Variants in ZNF273 observed in about 807,000 individuals in gnomAD.
ZNF273 encodes zinc finger protein 273.
Under a neutral mutation model 14.9 loss-of-function variants are expected in ZNF273, and 11 were observed. That is an observed-to-expected ratio of 0.74 (90% CI 0.46 to 1.22). The LOEUF is 1.22. Among genes scored for constraint, ZNF273 ranks in the 50% most tolerant of loss-of-function variants. The pLI is 0.00. For missense variants in ZNF273, 577 were observed against 660.6 expected (o/e 0.87, Z 1.39); for synonymous variants, 199 against 223.9 (o/e 0.89, Z 0.99).
chr7:64,910,566 A>G (rs1361145299), intron 1 of ZNF273, among the ~76,000 whole-genome samples: 4 of 152,112 alleles, frequency 2.6e-5, no homozygotes, highest in Admixed American at 6.5e-5. Flanking sequence ...TACCAGTACC[A>G]TGCTGCTTTG....
downstream of ZNF273, among the ~76,000 whole-genome samples, chr7:64,880,920 T>A (rs968072625): frequency 6.6e-5 from 10 of 152,138 alleles, no homozygotes; most frequent in African/African-American, 2.4e-4. Context: ...CGGGCACTCC[T>A]CCATCGTCTC....
chr7:64,920,547 G>T (rs549957518), intron 3 of ZNF273, among the ~76,000 whole-genome samples: 2 of 152,308 alleles, frequency 1.3e-5, no homozygotes, highest in East Asian at 3.9e-4. Context: ...ACCTCTCCCA[G>T]ACTGTGGCTG....
downstream of ZNF273, among the ~76,000 whole-genome samples, chr7:64,934,007 T>C (rs1178437662): frequency 2.0e-5 from 3 of 152,162 alleles, no homozygotes; most frequent in African/African-American, 7.2e-5. Flanking sequence ...ATTCCTCTTA[T>C]TTAACTATAA....
chr7:64,888,700 G>C (rs1791762030), exon 2 of ZNF273: 3 of 985,708 alleles, frequency 3.0e-6, no homozygotes, highest in Non-Finnish European at 3.6e-6. Context: ...GAGAGGTCCG[G>C]CTCCTGGAGG....
chr7:64,894,195 G>C (rs1792224295), downstream of ZNF273, among the ~76,000 whole-genome samples: 1 of 152,084 alleles, frequency 6.6e-6, no homozygotes, highest in Non-Finnish European at 1.5e-5. Flanking sequence ...AGAAGAAACA[G>C]GGTTTCACCG....
At chr7:64,889,868 T>C (rs1791867613), downstream of ZNF273, 1 of 657,064 alleles carries the variant, frequency 1.5e-6, no homozygotes, top group African/African-American at 2.0e-5. The surrounding 1 kb of genome is among the most constrained non-coding windows in gnomAD (Gnocchi z 4.2). Context: ...GCTGCCTCTA[T>C]GTCGGCTTCT....
chr7:64,891,046 A>G (rs1414779944), downstream of ZNF273, among the ~76,000 whole-genome samples: 1 of 152,180 alleles, frequency 6.6e-6, no homozygotes, highest in Non-Finnish European at 1.5e-5. Flanking sequence ...CTCAAAATAG[A>G]GCCTCCTCTT....
upstream of ZNF273, among the ~76,000 whole-genome samples, chr7:64,899,609 T>C (rs1228853608): frequency 6.6e-6 from 1 of 151,158 alleles, no homozygotes; most frequent in African/African-American, 2.4e-5. Flanking sequence ...AGAGCCAAGA[T>C]CTTGCCACTG....
downstream of ZNF273, among the ~76,000 whole-genome samples, chr7:64,890,653 A>C (rs1351763116): frequency 6.6e-6 from 1 of 152,210 alleles, no homozygotes; most frequent in East Asian, 1.9e-4. Flanking sequence ...CTCTGAGGAA[A>C]TATTCCATCC....
At chr7:64,883,164 T>C (rs1791344295), downstream of ZNF273, among the ~76,000 whole-genome samples, 2 of 149,542 alleles carry the variant, frequency 1.3e-5, no homozygotes, top group Admixed American at 1.3e-4. Context: ...GGTTCCTGAA[T>C]CCGCGGTGAA....
At chr7:64,880,356 T>A (rs1791211769), downstream of ZNF273, 2 of 152,238 alleles carry the variant, frequency 1.3e-5, no homozygotes, top group Admixed American at 6.5e-5. Context: ...CTTCTATGAT[T>A]TCTGACTACA....
chr7:64,907,335 G>T (rs1226115521), intron 1 of ZNF273, among the ~76,000 whole-genome samples: 2 of 152,130 alleles, frequency 1.3e-5, no homozygotes, highest in East Asian at 3.8e-4. Flanking sequence ...CTATTTACCA[G>T]GATTATCTAT....
At chr7:64,889,774 A>C, downstream of ZNF273, 1 of 985,036 alleles carries the variant, frequency 1.0e-6, no homozygotes, top group Non-Finnish European at 1.2e-6. The surrounding 1 kb of genome is among the most constrained non-coding windows in gnomAD (Gnocchi z 4.2). Context: ...AGGAGTCCCG[A>C]GCCCAAGCCC....
intron 1 of ZNF273, among the ~76,000 whole-genome samples, chr7:64,887,896 G>A (rs943418703): frequency 6.6e-6 from 1 of 151,848 alleles, no homozygotes; most frequent in Admixed American, 6.6e-5. Flanking sequence ...TGGTCGGGTG[G>A]GTCACTGGTT....
downstream of ZNF273, among the ~76,000 whole-genome samples, chr7:64,893,211 CATT>C (rs1467851714): frequency 3.3e-5 from 5 of 152,236 alleles, no homozygotes; most frequent in Admixed American, 1.3e-4. Flanking sequence ...CTTTCTGTAT[CATT>C]AAGACTCATC....
In ZNF273 at chr7:64,895,574, C is replaced by T. The variant is rs1285167098; in HGVS notation, n.488+1677C>T. ...TACAGCTCATACATTTCAAACGAAA[C>T]CACAGGGTAAAATGAGTTCTGGCTT... On this transcript the variant is annotated intron_variant and non_coding_transcript_variant, in intron 3 of 7. Transcript: ENST00000527278. Among the ~76,000 whole-genome samples the T allele has an allele frequency of 3.3e-5, 5 of 152,038 alleles. No homozygotes were observed. In the East Asian group the frequency reaches 9.6e-4, roughly 29 times the overall value.
chr7:64,893,773 A>G (rs774850127), downstream of ZNF273: 1 of 148,122 alleles, frequency 6.8e-6, no homozygotes, highest in Admixed American at 6.9e-5. Context: ...AGCAGCGTAC[A>G]TGGTGAGGTG....
Position 64,929,236 on chromosome 7 carries a change from A to G in ZNF273, c.*198A>G. On this transcript the variant is annotated 3_prime_UTR_variant, in exon 4 of 4. Coordinates refer to ENST00000476120, the MANE Select transcript of ZNF273 (RefSeq NM_021148.3). ...TCTTAACATCAGCGAGTTGGTATTT[A>G]ATAAAAGCATTATCAATGAAATTAC... The G allele has an allele frequency of 5.8e-6, 1 of 172,478 alleles. No individual in the cohort carries two copies. Among genetic ancestry groups the G allele is most frequent in the South Asian group, 2.2e-4 (1 of 4,600 alleles). The allele number at this position is 172,478 out of a possible 1,614,324, so 10.7% of individuals were successfully genotyped here.
At chr7:64,917,096 G>A in intron 1 of ZNF273, 6 of 1,284,820 alleles carry the variant, frequency 4.7e-6, no homozygotes, top group Non-Finnish European at 6.1e-6. Flanking sequence ...ATTCTTCTTG[G>A]GCCAAAAACA....
Sources: gnomAD v4.1 joint callset for allele counts (sites outside exome capture counted in the v4.1 genomes callset) on GRCh38, gnomAD v4.1.1 for gene constraint, Gnocchi (gnomAD v3.1) non-coding constraint, MANE v1.5 for transcripts, NCBI Gene and HGNC (gene_info 2026-07-23, HGNC 2026-07-21) for gene names.